Variants in CLEC7A observed in about 807,000 individuals in gnomAD.
CLEC7A encodes the protein C-type lectin domain family 7 member A.
In CLEC7A, 25 loss-of-function variants were observed where a neutral mutation model predicts 26.9. That is an observed-to-expected ratio of 0.93 (90% confidence interval 0.68 to 1.30). The LOEUF (loss-of-function observed/expected upper bound fraction) is 1.30. Ranked by LOEUF, CLEC7A falls within the 50% of genes most tolerant of loss-of-function variation. The pLI is 0.00. For synonymous variants in CLEC7A, 100 were observed against 99.5 expected (o/e 1.01, Z -0.03); for missense variants, 275 against 286.7 (o/e 0.96, Z 0.29).
At chr12:10,126,445 A>G in intron 3 of CLEC7A, 126 bp downstream of exon 3, 1 of 1,443,826 alleles carries the variant, frequency 6.9e-7, no homozygotes, top group Non-Finnish European at 9.1e-7. Flanking sequence ...TAATACTAAT[A>G]TGTGTATTTG....
intron 1 of CLEC7A, 54 bp from the exon 2 acceptor site, chr12:10,127,899 G>T: frequency 8.0e-7 from 1 of 1,243,416 alleles, no homozygotes; most frequent in Non-Finnish European, 1.1e-6. Context: ...GACGGATGGT[G>T]GGGCAGTTTA....
chr12:10,119,879 G>A (rs915148359), intron 5 of CLEC7A, among the ~76,000 whole-genome samples: 6 of 151,466 alleles, frequency 4.0e-5, no homozygotes, highest in South Asian at 2.1e-4. Context: ...ATAGAAAATT[G>A]GAATTATCAG....
chr12:10,128,246 A>ACACACACACACC (rs1214698249), intron 1 of CLEC7A, among the ~76,000 whole-genome samples: 1 of 110,638 alleles, frequency 9.0e-6, no homozygotes, highest in African/African-American at 3.0e-5. Context: ...ACACACACAC[A>ACACACACACACC]CCACCAACAA....
chr12:10,129,485 T>A (rs1948417368), intron 1 of CLEC7A, among the ~76,000 whole-genome samples: 2 of 152,190 alleles, frequency 1.3e-5, no homozygotes, highest in African/African-American at 4.8e-5. Context: ...CTGAATAATT[T>A]TCATGAAAAA....
intron 1 of CLEC7A, among the ~76,000 whole-genome samples, chr12:10,128,231 CACACACACACACA>C (rs1244456756): frequency 0.023 from 3,400 of 151,100 alleles, 150 homozygotes; most frequent in African/African-American, 0.078. Context: ...CACACACACA[CACACACACACACA>C]CACCACCAAC....
At chr12:10,121,417 G>C (rs1410344839) in intron 5 of CLEC7A, among the ~76,000 whole-genome samples, 1 of 152,172 alleles carries the variant, frequency 6.6e-6, no homozygotes, top group Non-Finnish European at 1.5e-5. Context: ...AGAACTGTAA[G>C]TAGAATCGCA....
At chr12:10,125,504 G>A (rs1948251760) in intron 3 of CLEC7A, 56 bp from the exon 4 acceptor site, 4 of 1,432,856 alleles carry the variant, frequency 2.8e-6, no homozygotes, top group Non-Finnish European at 3.8e-6. Flanking sequence ...CACTCTTTTA[G>A]TGTGAACACC....
chr12:10,124,197 CAGAT>C (rs1042333787), intron 4 of CLEC7A, among the ~76,000 whole-genome samples: 1 of 152,190 alleles, frequency 6.6e-6, no homozygotes, highest in Non-Finnish European at 1.5e-5. Context: ...GCCTAAAAGT[CAGAT>C]AGACTTGTAA....
At chr12:10,126,428 A>G in intron 3 of CLEC7A, 143 bp downstream of exon 3, 1 of 1,417,676 alleles carries the variant, frequency 7.1e-7, no homozygotes, top group Non-Finnish European at 9.3e-7. Flanking sequence ...GATACATTAC[A>G]CTAAGGTAAT....
At chr12:10,123,189 T>C in intron 5 of CLEC7A, 56 bp downstream of exon 5, 1 of 1,125,574 alleles carries the variant, frequency 8.9e-7, no homozygotes, top group Non-Finnish European at 1.3e-6. Context: ...TTTTCATAGA[T>C]GAGATGGAAA....
intron 3 of CLEC7A, 125 bp from the exon 4 acceptor site, chr12:10,125,573 TC>T: frequency 1.4e-6 from 1 of 697,220 alleles, no homozygotes. Flanking sequence ...TATTTCATTG[TC>T]AATTCGAACT....
In CLEC7A at chr12:10,125,333, G is replaced by C; in HGVS notation, c.456C>G (p.Gly152=). ...DGSKRQCWQL[G]SNLLKIDSSN... is the part of the protein sequence containing the mutation. ...AGCTGTCTATCTTTAGGAGATTAGA[G>C]CCCAGTTGCCAGCATTGTCTTTTAC... Residue 152 remains glycine (G), a synonymous_variant, in exon 4 of 6, where the codon GGC becomes GGG. Coordinates refer to ENST00000304084, the MANE Select transcript of CLEC7A (RefSeq NM_197947.3). The C allele has an allele frequency of 6.2e-7, 1 of 1,613,644 alleles. No homozygotes were observed. Among genetic ancestry groups the C allele is most frequent in the Non-Finnish European group, 8.5e-7 (1 of 1,179,862 alleles).
chr12:10,127,698 A>T, intron 2 of CLEC7A, 49 bp downstream of exon 2: 1 of 1,269,056 alleles, frequency 7.9e-7, no homozygotes, highest in Non-Finnish European at 1.1e-6. Context: ...GGCACATAAT[A>T]ATTGCTTACT....
rs747731438 is a variant in CLEC7A at position 10,125,458 on chromosome 12, A to G, written c.341-10T>C. The G allele has an allele frequency of 3.7e-6, 6 of 1,607,490 alleles. No individual in the cohort carries two copies. Among genetic ancestry groups the G allele is most frequent in the Non-Finnish European group, 4.2e-6 (5 of 1,178,098 alleles). ...GGGCTGGAAAGAACCCCTGGAAATA[A>G]AAGATTAGTACCATGAGGTTCATAG... is the stretch of plus-strand genomic sequence containing the variant. On this transcript the variant is annotated splice_polypyrimidine_tract_variant and intron_variant, in intron 3 of 5. Transcript: ENST00000304084.
At chr12:10,123,402 G>A (rs74060566) in intron 4 of CLEC7A, 39 bp from the exon 5 acceptor site, 24 of 1,111,446 alleles carry the variant, frequency 2.2e-5, no homozygotes, top group Non-Finnish European at 2.9e-5. Context: ...TAAAGAGAGA[G>A]AGAGAGAGAG....
upstream of CLEC7A, chr12:10,130,298 T>G: frequency 2.6e-6 from 1 of 391,128 alleles, no homozygotes; most frequent in Non-Finnish European, 4.7e-6. Context: ...TACCTTTAGA[T>G]CCTGTTTCTG....
chr12:10,125,604 G>A (rs1948255815), intron 3 of CLEC7A, among the ~76,000 whole-genome samples, 156 bp from the exon 4 acceptor site: 1 of 152,152 alleles, frequency 6.6e-6, no homozygotes, highest in South Asian at 2.1e-4. Context: ...TGATTTTACA[G>A]ATGAGAATAC....
At chr12:10,123,618 G>A (rs981175907) in intron 4 of CLEC7A, among the ~76,000 whole-genome samples, 3 of 144,186 alleles carry the variant, frequency 2.1e-5, no homozygotes, top group Non-Finnish European at 1.5e-5. Context: ...AAAATTAGCC[G>A]GGCGCGGTGG....
At chr12:10,127,655 G>A in intron 2 of CLEC7A, 92 bp downstream of exon 2, 1 of 984,970 alleles carries the variant, frequency 1.0e-6, no homozygotes, top group East Asian at 2.6e-5. Flanking sequence ...AATTAAAGTA[G>A]ATTATGCATG....
Sources: allele counts gnomAD v4.1 joint callset (sites outside exome capture counted in the v4.1 genomes callset), GRCh38; gene constraint gnomAD v4.1.1; transcripts MANE v1.5; gene names NCBI Gene and HGNC (gene_info 2026-07-23, HGNC 2026-07-21).